PRKD2: variants seen among roughly 807,000 people sequenced by gnomAD.
The protein encoded by PRKD2 is protein kinase D2.
PRKD2 carries 22 observed loss-of-function variants against 86.0 expected under a neutral mutation model. The ratio of observed to expected loss-of-function variants is 0.26; its 90% confidence interval spans 0.18 to 0.37. PRKD2 has a LOEUF of 0.37. PRKD2 is among the 10% of genes least tolerant of loss of function. The pLI is 1.00. For missense variants in PRKD2, 818 were observed against 1,199.2 expected (o/e 0.68, Z 4.70); for synonymous variants, 509 against 510.9 (o/e 1.00, Z 0.05).
intron 1 of PRKD2, among the ~76,000 whole-genome samples, chr19:46,715,723 A>T (rs1375672893): frequency 1.3e-5 from 2 of 151,764 alleles, no homozygotes; most frequent in Non-Finnish European, 2.9e-5. Flanking sequence ...GCACCCACAC[A>T]TGTCACCGGA....
intron 3 of PRKD2, among the ~76,000 whole-genome samples, chr19:46,708,308 C>CTTTTTTT (rs61231695): frequency 1.2e-5 from 1 of 82,160 alleles, no homozygotes; most frequent in East Asian, 3.4e-4. Context: ...GACTGGTGAC[C>CTTTTTTT]TTTTTTTTTT....
At chr19:46,710,698 C>G (rs2053792867) in intron 3 of PRKD2, 1 of 604,304 alleles carries the variant, frequency 1.7e-6, no homozygotes, top group South Asian at 2.5e-5. Flanking sequence ...GGCTCCGCCC[C>G]TAGACCTGAG....
intron 3 of PRKD2, among the ~76,000 whole-genome samples, chr19:46,705,466 G>C (rs907569035): frequency 1.3e-5 from 2 of 151,992 alleles, no homozygotes; most frequent in African/African-American, 4.8e-5. Context: ...CTGGAATCCA[G>C]GCAATCCCTA....
At chr19:46,710,616 C>A in intron 3 of PRKD2, 18 of 333,800 alleles carry the variant, frequency 5.4e-5, no homozygotes, top group East Asian at 4.7e-5. Context: ...CCACCCTCTT[C>A]CCCCGCCACC....
chr19:46,691,172 C>T (rs929647511), intron 12 of PRKD2, among the ~76,000 whole-genome samples: 3 of 151,798 alleles, frequency 2.0e-5, no homozygotes, highest in African/African-American at 7.3e-5. Context: ...TACCACCCGC[C>T]CCATACAATC....
At chr19:46,710,770 T>G in intron 3 of PRKD2, 137 bp downstream of exon 3, 1 of 996,984 alleles carries the variant, frequency 1.0e-6, no homozygotes, top group Non-Finnish European at 1.4e-6. Context: ...CTTCTTCCCA[T>G]TATTACTTCC....
Position 46,674,352 on chromosome 19 carries a change from G to T in PRKD2, c.*171C>A. ...AGGCCATGGGGCCAGAGATGAGTCC[G>T]TTTTAATTGCTGGGGAAACAGGGAG... On this transcript the variant is annotated 3_prime_UTR_variant, in exon 18 of 18. Transcript: ENST00000291281. 1.5e-6 allele frequency: 1 copy of T among 681,942 alleles called. No homozygotes were observed. Among genetic ancestry groups the T allele is most frequent in the Non-Finnish European group, 2.4e-6 (1 of 413,136 alleles). The allele number at this position is 681,942 out of a possible 1,614,324, so 42.2% of individuals were successfully genotyped here. A position where few individuals can be genotyped will look rare whatever the true frequency, so the allele number is the denominator to read the frequency against.
intron 15 of PRKD2, among the ~76,000 whole-genome samples, chr19:46,680,938 A>ATT (rs2053290668): frequency 2.0e-5 from 1 of 50,316 alleles, no homozygotes; most frequent in African/African-American, 5.9e-5. Flanking sequence ...ATATATATAT[A>ATT]TATATATATT....
intron 2 of PRKD2, 36 bp downstream of exon 2, chr19:46,713,827 C>A (rs753255670): frequency 2.7e-5 from 39 of 1,433,546 alleles, no homozygotes; most frequent in Admixed American, 4.4e-5. Flanking sequence ...CGCCCCCACC[C>A]GAGGCCCCGC....
chr19:46,692,606 C>A (rs1360062977), intron 10 of PRKD2, among the ~76,000 whole-genome samples: 1 of 151,778 alleles, frequency 6.6e-6, no homozygotes, highest in Non-Finnish European at 1.5e-5. Flanking sequence ...CCCTGTCCCT[C>A]CTCTGCTCAC....
chr19:46,712,286 A>AT (rs1311444033), intron 2 of PRKD2, among the ~76,000 whole-genome samples: 2 of 151,344 alleles, frequency 1.3e-5, no homozygotes, highest in Non-Finnish European at 2.9e-5. Context: ...CACACCTGTA[A>AT]TCGCAGCACT....
chr19:46,701,639 C>T (rs2053636636), intron 5 of PRKD2, among the ~76,000 whole-genome samples: 1 of 149,622 alleles, frequency 6.7e-6, no homozygotes, highest in Admixed American at 6.6e-5. Context: ...CAGGCGTGAG[C>T]CACCGCGCCC....
chr19:46,685,266 AAAAAAAAAAAAG>A, intron 14 of PRKD2, among the ~76,000 whole-genome samples: 1 of 151,726 alleles, frequency 6.6e-6, no homozygotes, highest in Non-Finnish European at 1.5e-5. Context: ...CTCAAAAAAA[AAAAAAAAAAAAG>A]AAAAGAAAGA....
intron 5 of PRKD2, among the ~76,000 whole-genome samples, chr19:46,703,958 AACACAC>A (rs10528388): frequency 0.11 from 14,942 of 133,658 alleles, 863 homozygotes; most frequent in Non-Finnish European, 0.13. Context: ...AAACAACAAC[AACACAC>A]ACACACACAC....
At chr19:46,686,334 A>G (rs1388729208) in intron 14 of PRKD2, among the ~76,000 whole-genome samples, 4 of 151,850 alleles carry the variant, frequency 2.6e-5, no homozygotes, top group Non-Finnish European at 4.4e-5. Flanking sequence ...CTGTCTCTAC[A>G]AAAACATAAA....
At chr19:46,706,363 C>G (rs1406018191) in intron 3 of PRKD2, among the ~76,000 whole-genome samples, 1 of 152,188 alleles carries the variant, frequency 6.6e-6, no homozygotes, top group Non-Finnish European at 1.5e-5. Context: ...CTTTCCAGTT[C>G]CACACCTCCT....
chr19:46,674,414 C>A lies in PRKD2; in HGVS notation c.*109G>T, dbSNP rs959415460. On this transcript the variant is annotated 3_prime_UTR_variant, in exon 18 of 18. Coordinates refer to ENST00000291281, the MANE Select transcript of PRKD2 (RefSeq NM_016457.5). ...ATAGCTCCCCCCACCCCACTCCCCA[C>A]GTGTCCCATCCAGTTTGGGCAGGAA... 2.9e-5 allele frequency: 35 copies of A among 1,215,060 alleles called. No individual in the cohort carries two copies. Among genetic ancestry groups the A allele is most frequent in the Middle Eastern group, 5.6e-4 (2 of 3,548 alleles). 75.3% of individuals were successfully genotyped at this position (1,215,060 alleles called of 1,614,324 possible).
In PRKD2 at chr19:46,709,930, A is replaced by C. The variant is rs1285990491; in HGVS notation, c.511+977T>G. Among the ~76,000 whole-genome samples the C allele has an allele frequency of 2.0e-5, 3 of 149,882 alleles. No homozygotes were observed. In the East Asian group the frequency reaches 6.0e-4, roughly 30 times the overall value. On this transcript the variant is annotated intron_variant, in intron 3 of 17. Transcript: ENST00000291281. Reference sequence around the variant, plus strand: ...TGTTTCTGTTTTCAGAAGGAGTCTCACTCTATCACCAGGCTGGAGTGCAGT... The same window carrying C: ...TGTTTCTGTTTTCAGAAGGAGTCTCCCTCTATCACCAGGCTGGAGTGCAGT...
chr19:46,704,261 G>A lies in PRKD2; in HGVS notation c.797C>T (p.Thr266Ile). 1 of 1,614,228 alleles carries A rather than the reference G, an allele frequency of 6.2e-7. No homozygotes were observed. Among genetic ancestry groups the A allele is most frequent in the Non-Finnish European group, 8.5e-7 (1 of 1,180,038 alleles). The change falls in exon 5 of 18, where the codon ACC becomes ATC. Residue 266 changes from threonine to isoleucine, a missense_variant. Physicochemically the swap from Thr to Ile is moderately conservative, Grantham distance 89. Coordinates refer to ENST00000291281, the MANE Select transcript of PRKD2 (RefSeq NM_016457.5). ...CCGTGTATAGCTGTGGATGAGGAAG[G>A]TGTGCGGCACCTTGACCTTGGAGAG... ...MLLSKVKVPH[T>I]FLIHSYTRPT...
Sources: gnomAD v4.1 joint callset for allele counts (sites outside exome capture counted in the v4.1 genomes callset) on GRCh38, gnomAD v4.1.1 for gene constraint, MANE v1.5 for transcripts, NCBI Gene and HGNC (gene_info 2026-07-23, HGNC 2026-07-21) for gene names.